Variants in NPHP1 observed in about 807,000 individuals in gnomAD.
NPHP1 encodes the protein nephrocystin-1.
Under a neutral mutation model 90.4 loss-of-function variants are expected in NPHP1, and 70 were observed. That is an observed-to-expected ratio of 0.77 (90% CI 0.64 to 0.95). NPHP1 has a LOEUF of 0.95. Ranked by LOEUF, NPHP1 falls within the 40% of genes least tolerant of loss-of-function variation. The pLI is 0.00. For synonymous variants in NPHP1, 256 were observed against 271.7 expected, an observed-to-expected ratio of 0.94 and a Z score of 0.57; for missense variants, 764 against 795.9, an observed-to-expected ratio of 0.96 and a Z score of 0.48.
Position 110,161,593 on chromosome 2 carries a change from C to T in NPHP1, c.954+10G>A. 6.4e-7 allele frequency: 1 copy of T among 1,556,714 alleles called. No individual in the cohort carries two copies. ...AGAGTTACACTTTTACTGATAGTAA[C>T]TATACTTACAGTGCCTTCTGTAGCA... is the stretch of plus-strand genomic sequence containing the variant. On this transcript the variant is annotated intron_variant, in intron 10 of 19. Transcript: ENST00000445609.
Position 110,172,132 on chromosome 2 carries a change from A to T in NPHP1, c.330-2134T>A, listed in dbSNP as rs191790295. On this transcript the variant is annotated intron_variant, in intron 4 of 19. Coordinates refer to ENST00000445609, the MANE Select transcript of NPHP1 (RefSeq NM_001128178.3). ...GTTCATCTTGTGTCAATTTTAGTAC[A>T]TTTTCTTTTTAAAGAAACTAATTTT... is the stretch of plus-strand genomic sequence containing the variant. 5.1e-3 allele frequency among the ~76,000 whole-genome samples: 776 copies of T among 152,178 alleles called. 7 individuals carry two copies. The highest frequency in any genetic ancestry group is 0.018 in the African/African-American group (748 of 41,548).
intron 19 of NPHP1, 70 bp from the exon 20 acceptor site, chr2:110,124,133 C>G: frequency 6.4e-7 from 1 of 1,573,432 alleles, no homozygotes; most frequent in Non-Finnish European, 8.7e-7. Context: ...ACTCTATTAA[C>G]TAAAAGCCAC....
chr2:110,147,233 AC>A (rs1051428972), intron 13 of NPHP1, among the ~76,000 whole-genome samples: 7 of 151,734 alleles, frequency 4.6e-5, no homozygotes, highest in African/African-American at 1.5e-4. Flanking sequence ...TTGGAATTTT[AC>A]CCCCACTGTC....
At chr2:110,159,226 T>A (rs1433402331) in intron 11 of NPHP1, among the ~76,000 whole-genome samples, 3 of 152,036 alleles carry the variant, frequency 2.0e-5, no homozygotes, top group Non-Finnish European at 2.9e-5. Flanking sequence ...TGAAGGATAC[T>A]GTCTGGTAAT....
chr2:110,151,934 G>A (rs1216854268), intron 11 of NPHP1, among the ~76,000 whole-genome samples: 1 of 152,112 alleles, frequency 6.6e-6, no homozygotes, highest in African/African-American at 2.4e-5. Context: ...GGAATCAAGA[G>A]TAACTTCTTC....
intron 2 of NPHP1, among the ~76,000 whole-genome samples, chr2:110,187,342 C>T (rs1684362488): frequency 6.6e-6 from 1 of 152,152 alleles, no homozygotes; most frequent in Non-Finnish European, 1.5e-5. Flanking sequence ...GATATCACCA[C>T]TGACCCCACA....
In NPHP1 at chr2:110,178,404, A is replaced by C; in HGVS notation, c.329+19T>G. 6.2e-7 allele frequency: 1 copy of C among 1,612,704 alleles called. No individual in the cohort carries two copies. Among genetic ancestry groups the C allele is most frequent in the Admixed American group, 1.7e-5 (1 of 60,012 alleles). ...TATATCTTTAAAAAAGAAAAAAGAA[A>C]GGTAGAAAGGAAGCATACTCAGTTA... On this transcript the variant is annotated intron_variant, in intron 4 of 19. Coordinates refer to ENST00000445609, the MANE Select transcript of NPHP1 (RefSeq NM_001128178.3).
Position 110,179,515 on chromosome 2 carries a change from T to C in NPHP1, c.204+109A>G, listed in dbSNP as rs1260138554. The stretch of plus-strand genomic sequence containing the variant: ...GCCAGCACTGGCTGCAGTTAGACTA[T>C]ATCACTAACGTAAACCCAGGAACTT... On this transcript the variant is annotated intron_variant, in intron 3 of 19. Transcript: ENST00000445609. 3 of 638,858 alleles carry C rather than the reference T, an allele frequency of 4.7e-6. No individual in the cohort carries two copies. In the East Asian group the frequency reaches 9.0e-5, roughly 19 times the overall value. The allele number at this position is 638,858 out of a possible 1,614,324, so 39.6% of individuals were successfully genotyped here.
chr2:110,191,974 C>T (rs1219525978), intron 2 of NPHP1, among the ~76,000 whole-genome samples: 3 of 152,124 alleles, frequency 2.0e-5, no homozygotes, highest in African/African-American at 7.2e-5. Flanking sequence ...AACTAACAAA[C>T]AGAAAGGACA....
chr2:110,156,656 T>C (rs899051108), intron 11 of NPHP1, among the ~76,000 whole-genome samples: 11 of 152,164 alleles, frequency 7.2e-5, no homozygotes, highest in African/African-American at 1.7e-4. Context: ...GAGTTTACAA[T>C]TACCCTCTCT....
intron 11 of NPHP1, among the ~76,000 whole-genome samples, chr2:110,155,679 T>C (rs13429665): frequency 0.31 from 47,555 of 152,022 alleles, 8,062 homozygotes; most frequent in East Asian, 0.57. Flanking sequence ...TGGACTTGCA[T>C]GGGGCCTGTA....
At chr2:110,184,130 T>C in intron 2 of NPHP1, 1 of 552,972 alleles carries the variant, frequency 1.8e-6, no homozygotes, top group Non-Finnish European at 3.6e-6. Flanking sequence ...AAGCTGGTTT[T>C]GCTGGTGATC....
intron 2 of NPHP1, among the ~76,000 whole-genome samples, chr2:110,197,653 C>T (rs1413383601): frequency 6.6e-6 from 1 of 152,110 alleles, no homozygotes; most frequent in Non-Finnish European, 1.5e-5. Context: ...AGAGACATCA[C>T]CAACAAGCAA....
At chr2:110,188,045 C>T (rs769196326) in intron 2 of NPHP1, among the ~76,000 whole-genome samples, 20 of 152,086 alleles carry the variant, frequency 1.3e-4, no homozygotes, top group Admixed American at 7.9e-4. Context: ...TATGACAAAC[C>T]GACAGCCAAT....
intron 4 of NPHP1, among the ~76,000 whole-genome samples, chr2:110,174,732 C>CA (rs1323614336): frequency 6.6e-6 from 1 of 151,762 alleles, no homozygotes; most frequent in Non-Finnish European, 1.5e-5. Context: ...AACATGGTGA[C>CA]ACCTGCCTTT....
At chr2:110,201,723 C>G (rs2104716101) in intron 1 of NPHP1, among the ~76,000 whole-genome samples, 1 of 152,252 alleles carries the variant, frequency 6.6e-6, no homozygotes, top group Non-Finnish European at 1.5e-5. Flanking sequence ...AAGTAAGTTG[C>G]AGTTATCAAT....
At chr2:110,194,488 C>T (rs1392365692) in intron 2 of NPHP1, among the ~76,000 whole-genome samples, 1 of 152,114 alleles carries the variant, frequency 6.6e-6, no homozygotes, top group East Asian at 1.9e-4. Flanking sequence ...AGACCAATAA[C>T]AGGCTCTGAA....
chr2:110,168,472 C>A lies in NPHP1; in HGVS notation c.604G>T (p.Val202Phe), dbSNP rs753605280. Residue 202 changes from valine to phenylalanine, a missense_variant, in exon 6 of 20, where the codon GTT (valine) becomes TTT (phenylalanine). Val to Phe is a conservative substitution (Grantham distance 50, BLOSUM62 -1). Transcript: ENST00000445609. ...CTAACCTCTAGGTAGGTTCTGGGAA[C>A]AAGACCTTCATTTCCTTTGGCATCC... ...AKDAKGNEGL[V>F]PRTYLEPYSE... 5 of 1,611,862 alleles carry A rather than the reference C, an allele frequency of 3.1e-6. No individual in the cohort carries two copies. The Admixed American group carries it at 5.0e-5, about 16-fold the overall frequency.
At chr2:110,135,149 C>T (rs1338813483) in intron 16 of NPHP1, among the ~76,000 whole-genome samples, 1 of 151,764 alleles carries the variant, frequency 6.6e-6, no homozygotes, top group African/African-American at 2.4e-5. Context: ...TAACAATGCA[C>T]AATTTGAGAA....
Sources: allele counts gnomAD v4.1 joint callset (sites outside exome capture counted in the v4.1 genomes callset), GRCh38; gene constraint gnomAD v4.1.1; transcripts MANE v1.5; gene names NCBI Gene and HGNC (gene_info 2026-07-23, HGNC 2026-07-21).